Variants in KIF16B observed in about 807,000 individuals in gnomAD.
The protein encoded by KIF16B is kinesin-like protein KIF16B.
KIF16B carries 98 observed loss-of-function variants against 156.3 expected under a neutral mutation model. That is an observed-to-expected ratio of 0.63 (90% CI 0.53 to 0.74). The LOEUF (loss-of-function observed/expected upper bound fraction) is 0.74. Ranked by LOEUF, KIF16B falls within the 30% of genes least tolerant of loss-of-function variation. KIF16B has a pLI of 0.00. For missense variants in KIF16B, 1,421 were observed against 1,606.5 expected, an observed-to-expected ratio of 0.88 and a Z score of 1.97; for synonymous variants, 564 against 583.7, an observed-to-expected ratio of 0.97 and a Z score of 0.49.
At chr20:16,371,589 CAAAAAA>C in intron 21 of KIF16B, 70 bp downstream of exon 21, 6 of 623,196 alleles carry the variant, frequency 9.6e-6, no homozygotes, top group Admixed American at 3.1e-5. Context: ...GACTCAGTCT[CAAAAAA>C]AAAAAAAAAA....
chr20:16,348,309 T>C lies in KIF16B; in HGVS notation c.3621+8021A>G, dbSNP rs535394151. ...AAATGAGTAAGTAAGGGAACAAGTA[T>C]GGCTCAGTGCACTTAGACCTGACAT... On this transcript the variant is annotated intron_variant, in intron 23 of 25. Transcript: ENST00000354981. 2.0e-5 allele frequency among the ~76,000 whole-genome samples: 3 copies of C among 152,360 alleles called. No homozygotes were observed. In the South Asian group the frequency reaches 6.2e-4, roughly 32 times the overall value.
chr20:16,457,457 G>A (rs1334605850), intron 12 of KIF16B, among the ~76,000 whole-genome samples: 1 of 152,126 alleles, frequency 6.6e-6, no homozygotes, highest in Non-Finnish European at 1.5e-5. Context: ...ATGTTTTGAT[G>A]TCAACTCAGC....
Position 16,494,290 on chromosome 20 carries a change from C to T in KIF16B, c.1302+1G>A. Reference sequence around the variant, plus strand: ...ACTAAACACATTTTTCTAGTCCTTACTTTCAAAATATTTTGGGTTTCATTC... The same window carrying T: ...ACTAAACACATTTTTCTAGTCCTTATTTTCAAAATATTTTGGGTTTCATTC... On this transcript the variant is annotated splice_donor_variant, in intron 12 of 25. Coordinates refer to ENST00000354981, the MANE Select transcript of KIF16B (RefSeq NM_024704.5). LOFTEE classifies it high-confidence loss of function. The T allele has an allele frequency of 6.3e-7, 1 of 1,583,850 alleles. No individual in the cohort carries two copies. Among genetic ancestry groups the T allele is most frequent in the South Asian group, 1.1e-5 (1 of 87,842 alleles).
intron 12 of KIF16B, among the ~76,000 whole-genome samples, chr20:16,453,226 T>TAC (rs1408153036): frequency 3.9e-5 from 6 of 151,966 alleles, no homozygotes; most frequent in Admixed American, 6.6e-5. Flanking sequence ...GCTATGATCA[T>TAC]ACCACTGCGC....
intron 24 of KIF16B, among the ~76,000 whole-genome samples, chr20:16,322,739 A>G (rs1229328715): frequency 6.6e-6 from 1 of 152,010 alleles, no homozygotes; most frequent in Non-Finnish European, 1.5e-5. Flanking sequence ...TTATAATAAG[A>G]TAGGTCAGCC....
intron 1 of KIF16B, among the ~76,000 whole-genome samples, chr20:16,563,704 C>T (rs1260546823): frequency 1.3e-5 from 2 of 152,182 alleles, no homozygotes; most frequent in Non-Finnish European, 2.9e-5. Flanking sequence ...CACTCTCATG[C>T]TCACACAGTT....
intron 1 of KIF16B, among the ~76,000 whole-genome samples, chr20:16,541,612 A>G (rs916329199): frequency 6.6e-6 from 1 of 152,246 alleles, no homozygotes; most frequent in South Asian, 2.1e-4. Flanking sequence ...AACCTAAAAA[A>G]TTAGGCAAAG....
intron 12 of KIF16B, among the ~76,000 whole-genome samples, chr20:16,465,957 CT>C (rs2067478901): frequency 6.6e-6 from 1 of 152,144 alleles, no homozygotes; most frequent in Non-Finnish European, 1.5e-5. Flanking sequence ...AAAAAAGTTA[CT>C]TGTTAAACAA....
chr20:16,549,078 T>C (rs1416417466), intron 1 of KIF16B, among the ~76,000 whole-genome samples: 3 of 151,052 alleles, frequency 2.0e-5, no homozygotes, highest in Admixed American at 6.6e-5. Flanking sequence ...TTAGGGTACA[T>C]GTGCACATTG....
intron 24 of KIF16B, among the ~76,000 whole-genome samples, chr20:16,331,218 G>C (rs2063942576): frequency 6.6e-6 from 1 of 152,160 alleles, no homozygotes; most frequent in South Asian, 2.1e-4. Context: ...GTTGAATAAT[G>C]TCAATCTTTT....
intron 23 of KIF16B, among the ~76,000 whole-genome samples, chr20:16,337,991 A>C (rs1382375469): frequency 6.6e-6 from 1 of 152,168 alleles, no homozygotes; most frequent in Non-Finnish European, 1.5e-5. Context: ...ATTCCTCAGA[A>C]AGCCACCTCC....
chr20:16,527,813 A>C (rs1390898562), intron 2 of KIF16B, among the ~76,000 whole-genome samples: 1 of 152,184 alleles, frequency 6.6e-6, no homozygotes, highest in Non-Finnish European at 1.5e-5. Context: ...CCCTTTAAAA[A>C]TTTCCTAACC....
At chr20:16,295,064 A>G in intron 25 of KIF16B, among the ~76,000 whole-genome samples, 1 of 152,262 alleles carries the variant, frequency 6.6e-6, no homozygotes, top group East Asian at 1.9e-4. Context: ...ATGCAAGTTT[A>G]ACTGCAGCCT....
At chr20:16,420,738 G>A (rs543158927) in intron 15 of KIF16B, among the ~76,000 whole-genome samples, 4 of 152,038 alleles carry the variant, frequency 2.6e-5, no homozygotes, top group African/African-American at 9.6e-5. Flanking sequence ...CTAATCAATG[G>A]GCCAAATACA....
At chr20:16,397,041 C>A (rs1034957257) in intron 17 of KIF16B, among the ~76,000 whole-genome samples, 1 of 152,198 alleles carries the variant, frequency 6.6e-6, no homozygotes, top group African/African-American at 2.4e-5. Flanking sequence ...CTGAAATGAG[C>A]TTGGAAGTTA....
At chr20:16,277,700 C>A (rs1377655501) in intron 25 of KIF16B, among the ~76,000 whole-genome samples, 2 of 151,926 alleles carry the variant, frequency 1.3e-5, no homozygotes, top group Non-Finnish European at 2.9e-5. Flanking sequence ...CAGGTCAGCA[C>A]GCTTTATAAA....
At chr20:16,307,695 T>C (rs903794017) in intron 25 of KIF16B, among the ~76,000 whole-genome samples, 23 of 152,206 alleles carry the variant, frequency 1.5e-4, no homozygotes, top group African/African-American at 5.5e-4. Context: ...ATTTTGTATG[T>C]CCTTTTTATT....
At chr20:16,287,305 A>G (rs1181001544) in intron 25 of KIF16B, among the ~76,000 whole-genome samples, 1 of 152,244 alleles carries the variant, frequency 6.6e-6, no homozygotes, top group Admixed American at 6.5e-5. Context: ...TCTAATGAAT[A>G]ATTCTTAGCA....
chr20:16,321,564 C>G (rs2063773299), intron 24 of KIF16B, among the ~76,000 whole-genome samples: 1 of 152,004 alleles, frequency 6.6e-6, no homozygotes, highest in Non-Finnish European at 1.5e-5. Context: ...TAAAATCTCC[C>G]TACACAGCGT....
Sources: allele counts gnomAD v4.1 joint callset (sites outside exome capture counted in the v4.1 genomes callset), GRCh38; gene constraint gnomAD v4.1.1; transcripts MANE v1.5; gene names NCBI Gene and HGNC (gene_info 2026-07-23, HGNC 2026-07-21).